NLGN4Y: variants seen among roughly 807,000 people sequenced by gnomAD.
The protein encoded by NLGN4Y is neuroligin 4 Y-linked.
In NLGN4Y, 4 loss-of-function variants were observed where a neutral mutation model predicts 8.4. That is an observed-to-expected ratio of 0.48 (90% confidence interval 0.23 to 1.09). The LOEUF is 1.09. Ranked by LOEUF, NLGN4Y falls within the 50% of genes least tolerant of loss-of-function variation. NLGN4Y has a pLI of 0.19. For synonymous variants in NLGN4Y, 35 were observed against 75.6 expected (o/e 0.46, Z 2.78); for missense variants, 90 against 192.3 (o/e 0.47, Z 3.15).
At chrY:14,763,713 A>C in intron 4 of NLGN4Y, among the ~76,000 whole-genome samples, 2 of 33,666 alleles carry the variant, frequency 5.9e-5, no homozygotes, top group Non-Finnish European at 1.5e-4. Context: ...AAAATTCCAG[A>C]AATAAACAGT....
chrY:14,771,372 C>A, intron 4 of NLGN4Y, among the ~76,000 whole-genome samples: 1 of 31,859 alleles, frequency 3.1e-5, no homozygotes, highest in Non-Finnish European at 7.7e-5. Context: ...CCCTACAAGC[C>A]AGAACTGGCT....
chrY:14,590,506 G>T, intron 1 of NLGN4Y, among the ~76,000 whole-genome samples: 1 of 33,745 alleles, frequency 3.0e-5, no homozygotes, highest in Admixed American at 2.6e-4. Flanking sequence ...CAGCAAGTCG[G>T]TCCAGGGGTC....
At chrY:14,833,724 G>A in intron 6 of NLGN4Y, among the ~76,000 whole-genome samples, 4 of 33,453 alleles carry the variant, frequency 1.2e-4, no homozygotes, top group East Asian at 8.0e-4. Context: ...CACTTGGTGC[G>A]CTGCACCCAC....
chrY:14,594,246 C>G (rs1603500819), intron 1 of NLGN4Y, among the ~76,000 whole-genome samples: 1 of 33,737 alleles, frequency 3.0e-5, no homozygotes, highest in East Asian at 7.9e-4. Flanking sequence ...GTTGGATCAT[C>G]TGGTTGGGGG....
At chrY:14,695,847 G>C (rs2080826075) in intron 2 of NLGN4Y, among the ~76,000 whole-genome samples, 1 of 32,837 alleles carries the variant, frequency 3.0e-5, no homozygotes, top group Non-Finnish European at 7.5e-5. Flanking sequence ...TGAAATCAAG[G>C]TGTCGGCTGG....
intron 1 of NLGN4Y, among the ~76,000 whole-genome samples, chrY:14,532,173 T>G (rs2080117278): frequency 6.3e-5 from 2 of 31,560 alleles, no homozygotes; most frequent in Non-Finnish European, 1.6e-4. Context: ...CCGAGATGGA[T>G]AGACAACATC....
intron 1 of NLGN4Y, among the ~76,000 whole-genome samples, chrY:14,538,794 G>A (rs2080140427): frequency 9.0e-5 from 3 of 33,316 alleles, no homozygotes; most frequent in Non-Finnish European, 2.2e-4. Flanking sequence ...TTAAGAGACA[G>A]GGTCTAATCA....
intron 2 of NLGN4Y, among the ~76,000 whole-genome samples, chrY:14,681,227 G>A (rs2080768652): frequency 3.0e-5 from 1 of 33,450 alleles, no homozygotes; most frequent in Non-Finnish European, 7.4e-5. Flanking sequence ...TTACAGTTCC[G>A]CATGGCTTGG....
At chrY:14,625,477 C>T in intron 2 of NLGN4Y, among the ~76,000 whole-genome samples, 1 of 33,209 alleles carries the variant, frequency 3.0e-5, no homozygotes, top group African/African-American at 1.2e-4. Context: ...TAGTAGGACA[C>T]ATGGGATATT....
intron 4 of NLGN4Y, among the ~76,000 whole-genome samples, chrY:14,800,570 G>A (rs958711616): frequency 3.4e-5 from 1 of 29,841 alleles, no homozygotes; most frequent in Non-Finnish European, 7.9e-5. Context: ...GAGATATAAA[G>A]ATATATTCTC....
At chrY:14,606,394 T>A in intron 1 of NLGN4Y, among the ~76,000 whole-genome samples, 1 of 33,175 alleles carries the variant, frequency 3.0e-5, no homozygotes, top group East Asian at 8.0e-4. Context: ...ACTATTTTAA[T>A]GCAATTACAA....
intron 4 of NLGN4Y, among the ~76,000 whole-genome samples, chrY:14,778,654 T>C: frequency 2.9e-5 from 1 of 33,989 alleles, no homozygotes; most frequent in South Asian, 6.6e-4. Flanking sequence ...GTGTTTCTCT[T>C]CTAATACACA....
At chrY:14,642,148 A>G in intron 2 of NLGN4Y, among the ~76,000 whole-genome samples, 1 of 33,712 alleles carries the variant, frequency 3.0e-5, no homozygotes, top group Non-Finnish European at 7.3e-5. Flanking sequence ...TCCACAGGAC[A>G]TTGAACTCTG....
chrY:14,572,523 T>C (rs2080275986), intron 1 of NLGN4Y, among the ~76,000 whole-genome samples: 78 of 32,524 alleles, frequency 2.4e-3, no homozygotes, highest in Non-Finnish European at 5.0e-3. Flanking sequence ...TTTCTAGATA[T>C]ACAATCATGT....
In NLGN4Y at chrY:14,841,377, G is replaced by T. The variant is rs2043222062; in HGVS notation, c.*115G>T. The T allele has an allele frequency of 3.6e-6, 1 of 277,838 alleles. No individual in the cohort carries two copies. Among genetic ancestry groups the T allele is most frequent in the African/African-American group, 7.3e-5 (1 of 13,632 alleles). 69.3% of individuals were successfully genotyped at this position (277,838 alleles called of 400,897 possible). ...GAATGTTTTTGTGCCACTGACTTTA[G>T]ATAAAAATGCAAAAGGGCAGTCATC... On this transcript the variant is annotated 3_prime_UTR_variant, in exon 7 of 7. Coordinates refer to ENST00000684976, the MANE Select transcript of NLGN4Y (RefSeq NM_001365588.1).
intron 2 of NLGN4Y, among the ~76,000 whole-genome samples, chrY:14,625,646 G>A: frequency 3.0e-5 from 1 of 33,062 alleles, no homozygotes; most frequent in Non-Finnish European, 7.4e-5. Flanking sequence ...ATATGGCTTG[G>A]TAGCTTGATT....
intron 2 of NLGN4Y, among the ~76,000 whole-genome samples, chrY:14,666,464 C>A (rs2080691940): frequency 3.2e-5 from 1 of 31,283 alleles, no homozygotes; most frequent in African/African-American, 1.2e-4. Context: ...TTTTTTTTTT[C>A]TTTCCCAGAG....
chrY:14,800,113 TTATG>T, intron 4 of NLGN4Y, among the ~76,000 whole-genome samples: 1 of 33,248 alleles, frequency 3.0e-5, no homozygotes, highest in Admixed American at 2.9e-4. Context: ...TATCATCTGA[TTATG>T]GATGAAAGTA....
chrY:14,690,585 T>C, intron 2 of NLGN4Y, among the ~76,000 whole-genome samples: 1 of 32,736 alleles, frequency 3.1e-5, no homozygotes, highest in African/African-American at 1.2e-4. Flanking sequence ...AATAACTGGC[T>C]GGAGTAAGTT....
Sources: allele counts gnomAD v4.1 joint callset (sites outside exome capture counted in the v4.1 genomes callset), GRCh38; gene constraint gnomAD v4.1.1; transcripts MANE v1.5; gene names NCBI Gene and HGNC (gene_info 2026-07-23, HGNC 2026-07-21).